PTPRG: variants seen among roughly 807,000 people sequenced by gnomAD.
PTPRG encodes the protein protein tyrosine phosphatase receptor type G.
Under a neutral mutation model 165.3 loss-of-function variants are expected in PTPRG, and 102 were observed. The observed-to-expected ratio is 0.62, with a 90% confidence interval of 0.53 to 0.73. PTPRG has a LOEUF of 0.73. Ranked by LOEUF, PTPRG falls within the 30% of genes least tolerant of loss-of-function variation. The pLI is 0.00. For synonymous variants in PTPRG, 675 were observed against 669.5 expected, an observed-to-expected ratio of 1.01 and a Z score of -0.13; for missense variants, 1,866 against 1,861.4, an observed-to-expected ratio of 1.00 and a Z score of -0.05.
intron 2 of PTPRG, among the ~76,000 whole-genome samples, chr3:61,957,407 C>T (rs1364460244): frequency 6.6e-6 from 1 of 152,256 alleles, no homozygotes; most frequent in East Asian, 1.9e-4. Context: ...CACTTGCCAT[C>T]TGCTCCACTT....
intron 4 of PTPRG, among the ~76,000 whole-genome samples, chr3:62,050,052 A>G (rs1357695614): frequency 6.6e-6 from 1 of 152,338 alleles, no homozygotes; most frequent in Admixed American, 6.5e-5. Flanking sequence ...GTATCAGAAA[A>G]AGGATAGTGT....
intron 8 of PTPRG, among the ~76,000 whole-genome samples, chr3:62,189,092 T>A (rs1699739833): frequency 6.6e-6 from 1 of 152,114 alleles, no homozygotes; most frequent in Non-Finnish European, 1.5e-5. Flanking sequence ...AGATTCTTTG[T>A]TTGATGTCCC....
intron 2 of PTPRG, among the ~76,000 whole-genome samples, chr3:61,790,597 C>T (rs2107125098): frequency 6.6e-6 from 1 of 152,222 alleles, no homozygotes; most frequent in South Asian, 2.1e-4. Flanking sequence ...GTATACTTTC[C>T]CTATGTATAC....
chr3:62,206,933 A>AAAAAAACAAAAAAAAAC (rs1559650285), intron 12 of PTPRG, among the ~76,000 whole-genome samples: 1 of 146,172 alleles, frequency 6.8e-6, no homozygotes, highest in African/African-American at 2.7e-5. Context: ...AAAAAAAAAA[A>AAAAAAACAAAAAAAAAC]AAAAAAGAAG....
At chr3:61,566,347 C>T (rs932164708) in intron 1 of PTPRG, among the ~76,000 whole-genome samples, 4 of 152,272 alleles carry the variant, frequency 2.6e-5, no homozygotes, top group East Asian at 1.9e-4. Context: ...ATTTGCCTTT[C>T]TATTCTAAAC....
At chr3:62,091,465 A>G (rs145703962) in intron 5 of PTPRG, among the ~76,000 whole-genome samples, 1 of 152,320 alleles carries the variant, frequency 6.6e-6, no homozygotes, top group African/African-American at 2.4e-5. Flanking sequence ...CAAGTAACAC[A>G]TTGATATGGA....
intron 2 of PTPRG, among the ~76,000 whole-genome samples, chr3:61,780,900 A>G (rs1010753065): frequency 4.6e-5 from 7 of 152,366 alleles, no homozygotes; most frequent in Middle Eastern, 3.4e-3. Flanking sequence ...ATGGCGTGAT[A>G]TTATAAGTTA....
In PTPRG at chr3:61,898,183, AC is replaced by A. The variant is rs1294178399; in HGVS notation, c.191-91441del. ...ATCATTAAGTATGCTAGCTATACTT[AC>A]GTTACAAATCTCTCTGTAGGTGTTC... On this transcript the variant is annotated intron_variant, in intron 2 of 29. Coordinates refer to ENST00000474889, the MANE Select transcript of PTPRG (RefSeq NM_002841.4). 3.3e-5 allele frequency among the ~76,000 whole-genome samples: 5 copies of A among 152,184 alleles called. No individual in the cohort carries two copies. The East Asian group carries it at 5.8e-4, about 18-fold the overall frequency.
At chr3:61,969,848 C>T (rs1476952317) in intron 2 of PTPRG, among the ~76,000 whole-genome samples, 1 of 152,168 alleles carries the variant, frequency 6.6e-6, no homozygotes, top group African/African-American at 2.4e-5. Context: ...GAAAGCTGCA[C>T]TGGGTAGATG....
chr3:61,946,218 C>G (rs79595918), intron 2 of PTPRG, among the ~76,000 whole-genome samples: 2,397 of 152,276 alleles, frequency 0.016, 42 homozygotes, highest in South Asian at 0.075. Flanking sequence ...TAAAATCACA[C>G]TGGATAATTT....
At chr3:62,093,997 T>C (rs1272506470) in intron 5 of PTPRG, among the ~76,000 whole-genome samples, 2 of 152,166 alleles carry the variant, frequency 1.3e-5, no homozygotes, top group East Asian at 3.8e-4. Flanking sequence ...ACCAGTAATA[T>C]TAAGGAAGAA....
intron 6 of PTPRG, among the ~76,000 whole-genome samples, chr3:62,141,657 T>TG (rs1347239961): frequency 6.7e-6 from 1 of 149,766 alleles, no homozygotes; most frequent in East Asian, 2.0e-4. Context: ...CCCAACATTG[T>TG]GGGGGGACGA....
At chr3:61,580,510 T>C (rs1017001385) in intron 1 of PTPRG, among the ~76,000 whole-genome samples, 3 of 152,094 alleles carry the variant, frequency 2.0e-5, no homozygotes. Context: ...CTAATTTTTG[T>C]ATTTTTAGTA....
At chr3:62,292,745 T>A in intron 29 of PTPRG, 189 bp downstream of exon 29, 1 of 621,842 alleles carries the variant, frequency 1.6e-6, no homozygotes, top group Non-Finnish European at 2.8e-6. Context: ...GAGATGCTGC[T>A]AAGCAAACTA....
At chr3:61,705,029 G>T (rs1160703603) in intron 1 of PTPRG, among the ~76,000 whole-genome samples, 3 of 152,180 alleles carry the variant, frequency 2.0e-5, no homozygotes, top group Non-Finnish European at 4.4e-5. Context: ...GAGAACCCCA[G>T]CCTGCTAGAG....
chr3:62,166,502 A>G (rs1295758030), intron 7 of PTPRG, among the ~76,000 whole-genome samples: 1 of 151,032 alleles, frequency 6.6e-6, no homozygotes, highest in East Asian at 2.0e-4. Context: ...TGCCTGGCTA[A>G]TTTTTGTATT....
At chr3:62,015,879 G>C (rs558258012) in intron 4 of PTPRG, among the ~76,000 whole-genome samples, 1 of 151,912 alleles carries the variant, frequency 6.6e-6, no homozygotes, top group African/African-American at 2.4e-5. Context: ...TATACTTCTT[G>C]GTTTAAAAAA....
intron 2 of PTPRG, among the ~76,000 whole-genome samples, chr3:61,864,373 G>A (rs566052667): frequency 1.3e-5 from 2 of 152,258 alleles, no homozygotes; most frequent in South Asian, 2.1e-4. Flanking sequence ...CGATGCCCAT[G>A]TATGATAGGT....
intron 2 of PTPRG, among the ~76,000 whole-genome samples, chr3:61,787,629 A>G (rs950092485): frequency 6.6e-6 from 1 of 151,992 alleles, no homozygotes; most frequent in Admixed American, 6.6e-5. Context: ...TTGATCACTG[A>G]CCCCAGACCT....
Sources: gnomAD v4.1 joint callset for allele counts (sites outside exome capture counted in the v4.1 genomes callset) on GRCh38, gnomAD v4.1.1 for gene constraint, MANE v1.5 for transcripts, NCBI Gene and HGNC (gene_info 2026-07-23, HGNC 2026-07-21) for gene names.